VSX1: variants seen among roughly 807,000 people sequenced by gnomAD.
VSX1 encodes the protein visual system homeobox 1.
Under a neutral mutation model 23.6 loss-of-function variants are expected in VSX1, and 23 were observed. The observed-to-expected ratio is 0.97, with a 90% CI of 0.70 to 1.38. The LOEUF (loss-of-function observed/expected upper bound fraction) is 1.38, where lower values mean the gene tolerates loss of function less well. Among genes scored for constraint, VSX1 ranks in the 40% most tolerant of loss-of-function variants. The pLI is 0.00. For synonymous variants in VSX1, 247 were observed against 215.1 expected (o/e 1.15, Z -1.30); for missense variants, 517 against 495.4 (o/e 1.04, Z -0.41).
chr20:25,077,725 G>C lies in VSX1; in HGVS notation c.768C>G (p.Ala256=). 2 of 1,550,334 alleles carry C rather than the reference G, an allele frequency of 1.3e-6. No individual in the cohort carries two copies. Among genetic ancestry groups the C allele is most frequent in the South Asian group, 2.4e-5 (2 of 84,028 alleles). Residue 256 remains alanine (A), a synonymous_variant, in exon 4 of 5, where the codon GCC becomes GCG. Transcript: ENST00000376709. ...CGCAGGAGCCCAGCAGGCCGCCCTCGGCGGAGTTGAGCACGGAGTCTGGCA... is the reference window on the plus strand; with the variant it reads ...CGCAGGAGCCCAGCAGGCCGCCCTCCGCGGAGTTGAGCACGGAGTCTGGCA... The part of the protein sequence containing the change: ...IPLPDSVLNS[A]EGGLLGSCAP...
Position 25,081,988 on chromosome 20 carries a change from G to A in VSX1, c.109C>T (p.Leu37=). Residue 37 remains leucine, a synonymous_variant, in exon 1 of 5, where the codon CTG becomes TTG. Coordinates refer to ENST00000376709, the MANE Select transcript of VSX1 (RefSeq NM_014588.6). ...RPRGFAITDL[L]GLEAELPAPA... Reference sequence around the variant, plus strand: ...GCCGGCAGCTCGGCCTCCAAGCCCAGCAGGTCCGTGATGGCGAAGCCCCGG... The same window carrying A: ...GCCGGCAGCTCGGCCTCCAAGCCCAACAGGTCCGTGATGGCGAAGCCCCGG... 6.5e-7 allele frequency: 1 copy of A among 1,534,120 alleles called. No homozygotes were observed. Among genetic ancestry groups the A allele is most frequent in the Non-Finnish European group, 8.7e-7 (1 of 1,146,604 alleles).
chr20:25,077,925 G>C, intron 3 of VSX1, 60 bp from the exon 4 acceptor site: 1 of 1,536,994 alleles, frequency 6.5e-7, no homozygotes, highest in Non-Finnish European at 8.8e-7. Flanking sequence ...GGGGCGCCTG[G>C]AGGAGCGGAG....
At chr20:25,078,719 C>CA in intron 3 of VSX1, 110 bp downstream of exon 3, 1 of 1,613,224 alleles carries the variant, frequency 6.2e-7, no homozygotes. Context: ...AGTTTCTATG[C>CA]AAAGGGAGCG....
intron 1 of VSX1, 45 bp from the exon 2 acceptor site, chr20:25,079,559 C>A (rs776511569): frequency 6.4e-7 from 1 of 1,551,614 alleles, no homozygotes; most frequent in South Asian, 1.2e-5. Flanking sequence ...GTGATCATAT[C>A]CCCTCTATTT....
intron 3 of VSX1, 86 bp from the exon 4 acceptor site, chr20:25,077,951 T>G (rs925373307): frequency 6.9e-7 from 1 of 1,450,306 alleles, no homozygotes; most frequent in African/African-American, 1.4e-5. Context: ...GTCCCAGGGC[T>G]CGGATCTTCT....
At position 25,076,454 on chromosome 20, in the gene VSX1, C is replaced by G. The variant is rs757661182; in HGVS notation, c.905G>C (p.Ser302Thr). 1.2e-6 allele frequency: 2 copies of G among 1,614,122 alleles called. No individual in the cohort carries two copies. The highest frequency in any genetic ancestry group is 1.7e-5 in the Admixed American group (1 of 60,018). ...TCTCTGTGATCCTGACTCACTCTGGCTAGAACCTTCTTTGAAGTGGTCAGA... is the reference window on the plus strand; with the variant it reads ...TCTCTGTGATCCTGACTCACTCTGGGTAGAACCTTCTTTGAAGTGGTCAGA... ...WGSDHFKEGS[S>T]QSESGSQRGS... The change falls in exon 5 of 5, where the codon AGC (serine) becomes ACC (threonine). Residue 302 changes from serine (S) to threonine (T), a missense_variant. Ser to Thr is a moderately conservative substitution (Grantham distance 58). Transcript: ENST00000376709.
At chr20:25,079,409 G>A (rs754231428) in intron 2 of VSX1, 27 bp downstream of exon 2, 9 of 1,600,444 alleles carry the variant, frequency 5.6e-6, no homozygotes, top group African/African-American at 1.3e-5. Context: ...AGGAAAGGCA[G>A]GCAGAGGGGA....
chr20:25,074,118 T>C (rs913028075), downstream of VSX1, among the ~76,000 whole-genome samples: 3 of 152,228 alleles, frequency 2.0e-5, no homozygotes, highest in Admixed American at 6.5e-5. Flanking sequence ...ATTACAGTAA[T>C]AATAGTTAAT....
At chr20:25,077,652 T>TCGAGC in intron 4 of VSX1, 33 bp downstream of exon 4, 1 of 1,540,626 alleles carries the variant, frequency 6.5e-7, no homozygotes, top group South Asian at 1.2e-5. Flanking sequence ...CTACAACACC[T>TCGAGC]CGAGCCGTGC....
downstream of VSX1, chr20:25,071,503 G>A (rs1190737867): frequency 2.2e-6 from 1 of 453,764 alleles, no homozygotes; most frequent in African/African-American, 2.0e-5. Flanking sequence ...TTTCTTCAAG[G>A]CATTTTGGGT....
chr20:25,074,607 ATT>A (rs1008418339), downstream of VSX1, among the ~76,000 whole-genome samples: 4 of 151,158 alleles, frequency 2.6e-5, no homozygotes, highest in Admixed American at 2.0e-4. Context: ...TTTTTTAGGG[ATT>A]TTTTTTACTC....
chr20:25,081,360 A>C, intron 1 of VSX1: 1 of 632,792 alleles, frequency 1.6e-6, no homozygotes, highest in Non-Finnish European at 3.0e-6. Flanking sequence ...CGCTGGGGGG[A>C]AAAATGGCCC....
intron 2 of VSX1, among the ~76,000 whole-genome samples, chr20:25,079,202 A>C (rs75858812): frequency 0.034 from 5,191 of 152,298 alleles, 135 homozygotes; most frequent in African/African-American, 0.068. Context: ...ACAGATCCAC[A>C]AAATTGTCTT....
chr20:25,071,127 G>A (rs2089368906), downstream of VSX1: 1 of 453,964 alleles, frequency 2.2e-6, no homozygotes, highest in South Asian at 1.6e-5. Context: ...GACTTAGAGG[G>A]TCAGTAAGAG....
Position 25,076,621 on chromosome 20 carries a change from T to C in VSX1, c.809-71A>G, listed in dbSNP as rs183700658. The C allele has an allele frequency of 3.3e-3, 4,894 of 1,485,762 alleles. 16 individuals are homozygous for C. Among genetic ancestry groups the C allele is most frequent in the Non-Finnish European group, 4.0e-3 (4,447 of 1,107,046 alleles). 92.0% of individuals were successfully genotyped at this position (1,485,762 alleles called of 1,614,324 possible). Reference sequence around the variant, plus strand: ...AAATTCAGCAATGAAGTAAATTTCCTTCTTATTGTTCTCTAAATCCCACTA... The same window carrying C: ...AAATTCAGCAATGAAGTAAATTTCCCTCTTATTGTTCTCTAAATCCCACTA... On this transcript the variant is annotated intron_variant, in intron 4 of 4. Coordinates refer to ENST00000376709, the MANE Select transcript of VSX1 (RefSeq NM_014588.6).
intron 3 of VSX1, 163 bp from the exon 4 acceptor site, chr20:25,078,028 G>A: frequency 1.0e-6 from 1 of 973,680 alleles, no homozygotes; most frequent in Non-Finnish European, 1.5e-6. Flanking sequence ...GCCGCCCTCA[G>A]GGAGAGCGCC....
chr20:25,071,746 A>C (rs1206364645), downstream of VSX1: 1 of 691,466 alleles, frequency 1.4e-6, no homozygotes, highest in Non-Finnish European at 2.6e-6. Context: ...TTGGGAGACC[A>C]ATGCTTTCAA....
chr20:25,081,033 T>C (rs1442069635), intron 1 of VSX1, among the ~76,000 whole-genome samples: 1 of 152,250 alleles, frequency 6.6e-6, no homozygotes, highest in Non-Finnish European at 1.5e-5. Flanking sequence ...TGGATTTCTT[T>C]GGGGAAATGG....
rs919554516 is a variant in VSX1 at position 25,077,788 on chromosome 20, G to T, written c.705C>A (p.Tyr235Ter). The change falls in exon 4 of 5, where the codon TAC becomes TAA. Residue 235 changes from tyrosine to a stop codon, truncating the protein, a stop_gained. Coordinates refer to ENST00000376709, the MANE Select transcript of VSX1 (RefSeq NM_014588.6). LOFTEE classifies it high-confidence loss of function. ...RWGGSSVMAE[Y>*]GLYGAMVRHC... ...GGCGCACCATGGCCCCGTACAGCCCGTACTCGGCCATCACGCTGCTGCCGC... is the reference window on the plus strand; with the variant it reads ...GGCGCACCATGGCCCCGTACAGCCCTTACTCGGCCATCACGCTGCTGCCGC... The T allele has an allele frequency of 6.4e-7, 1 of 1,551,120 alleles. No individual in the cohort carries two copies.
Sources: gnomAD v4.1 joint callset for allele counts (sites outside exome capture counted in the v4.1 genomes callset) on GRCh38, gnomAD v4.1.1 for gene constraint, MANE v1.5 for transcripts, NCBI Gene and HGNC (gene_info 2026-07-23, HGNC 2026-07-21) for gene names.